Variants in RTN1 observed in about 807,000 individuals in gnomAD.
The protein encoded by RTN1 is reticulon 1, also known as reticulon-1.
A neutral mutation model predicts 65.5 loss-of-function variants in RTN1; 25 were observed. The observed-to-expected ratio is 0.38, with a 90% CI of 0.28 to 0.53. The LOEUF is 0.53. Among genes scored for constraint, RTN1 ranks in the 20% least tolerant of loss-of-function variants. The probability of loss-of-function intolerance (pLI) is 0.79; values close to 1 mark genes in which losing one functional copy is unlikely to be tolerated. For synonymous variants in RTN1, 471 were observed against 447.6 expected (o/e 1.05, Z -0.66); for missense variants, 983 against 1,025.4 (o/e 0.96, Z 0.57).
chr14:59,615,493 T>G (rs375339441), intron 3 of RTN1, among the ~76,000 whole-genome samples: 110 of 152,204 alleles, frequency 7.2e-4, no homozygotes, highest in African/African-American at 2.6e-3. Flanking sequence ...AAAATCATAC[T>G]GATGTGGGGC....
chr14:59,767,923 C>G lies in RTN1; in HGVS notation c.242-21442G>C, dbSNP rs1043819223. 2.0e-5 allele frequency among the ~76,000 whole-genome samples: 3 copies of G among 152,222 alleles called. 1 individual carries two copies. The South Asian group carries it at 6.2e-4, about 32-fold the overall frequency. On this transcript the variant is annotated intron_variant, in intron 1 of 8. Coordinates refer to ENST00000267484, the MANE Select transcript of RTN1 (RefSeq NM_021136.3). ...CCTTTATGTAAAAAGCTACATACAT[C>G]AGTTAACCAGCCAGTGACAATCGTA...
At chr14:59,616,975 T>C (rs901508803) in intron 3 of RTN1, among the ~76,000 whole-genome samples, 5 of 152,234 alleles carry the variant, frequency 3.3e-5, no homozygotes, top group Non-Finnish European at 4.4e-5. Context: ...GGAGCACATT[T>C]GTTCCTCTCT....
chr14:59,791,448 C>T (rs1594744815), intron 1 of RTN1, among the ~76,000 whole-genome samples: 1 of 152,266 alleles, frequency 6.6e-6, no homozygotes, highest in Middle Eastern at 3.4e-3. Context: ...CTGTGCTGCA[C>T]CTGGGTGCAC....
Position 59,603,120 on chromosome 14 carries a change from G to C in RTN1, c.2233C>G (p.Gln745Glu). 1.9e-6 allele frequency: 3 copies of C among 1,611,934 alleles called. No individual in the cohort carries two copies. Among genetic ancestry groups the C allele is most frequent in the Non-Finnish European group, 2.5e-6 (3 of 1,179,252 alleles). The change falls in exon 8 of 9, where the codon CAG becomes GAG. Residue 745 changes from glutamine (Q) to glutamate (E), a missense_variant. Physicochemically the swap from Gln to Glu is conservative, Grantham distance 29. Coordinates refer to ENST00000267484, the MANE Select transcript of RTN1 (RefSeq NM_021136.3). ...ACAAGTCCCAGATATTGGTCAATCT[G>C]TGCCTACATAAAGAAAAAAAAAATA... ...LPVVYVKHQA[Q>E]IDQYLGLVRT...
chr14:59,642,746 T>C (rs1440812353), intron 3 of RTN1, among the ~76,000 whole-genome samples: 3 of 152,252 alleles, frequency 2.0e-5, no homozygotes, highest in Non-Finnish European at 4.4e-5. Flanking sequence ...TATTTTGAAG[T>C]CTTTATCAGC....
At chr14:59,697,231 C>A (rs1884081537) in intron 3 of RTN1, among the ~76,000 whole-genome samples, 1 of 152,136 alleles carries the variant, frequency 6.6e-6, no homozygotes, top group Non-Finnish European at 1.5e-5. Flanking sequence ...TTCACTTCTC[C>A]CAGATAATTA....
At position 59,727,090 on chromosome 14, in the gene RTN1, G is replaced by A. The variant is rs1333554615; in HGVS notation, c.1594C>T (p.Pro532Ser). Residue 532 changes from proline (P) to serine (S), a missense_variant, in exon 3 of 9, where the codon CCT becomes TCT. Coordinates refer to ENST00000267484, the MANE Select transcript of RTN1 (RefSeq NM_021136.3). The surrounding 1 kb of genome is among the most constrained non-coding windows in gnomAD (Gnocchi z 4.2). The stretch of plus-strand genomic sequence containing the variant: ...TCTCCAGGGGGCAGCTCGGGGCCAG[G>A]CTGGGGCTCAGTTGAGGGGTAGTCG... ...FLDYPSTEPQ[P>S]GPELPPGDGA... The A allele has an allele frequency of 6.2e-7, 1 of 1,611,526 alleles. No individual in the cohort carries two copies. Among genetic ancestry groups the A allele is most frequent in the Non-Finnish European group, 8.5e-7 (1 of 1,178,846 alleles).
intron 2 of RTN1, among the ~76,000 whole-genome samples, chr14:59,731,480 T>C (rs1169338373): frequency 6.6e-6 from 1 of 152,148 alleles, no homozygotes; most frequent in Admixed American, 6.5e-5. Context: ...ATGAATTGTA[T>C]AGTATATGGA....
At chr14:59,654,308 G>A (rs1415457250) in intron 3 of RTN1, among the ~76,000 whole-genome samples, 2 of 151,798 alleles carry the variant, frequency 1.3e-5, no homozygotes, top group African/African-American at 4.8e-5. Flanking sequence ...CGTGCCTGTA[G>A]CCCCAGCTAC....
At chr14:59,607,055 A>G (rs1024004461) in intron 4 of RTN1, among the ~76,000 whole-genome samples, 2 of 152,238 alleles carry the variant, frequency 1.3e-5, no homozygotes, top group African/African-American at 4.8e-5. Flanking sequence ...GTTAATAGTA[A>G]ATACATATGA....
rs974263667 is a variant in RTN1, at chr14:59,715,463, G to A, written c.1765+11456C>T. Reference sequence around the variant, plus strand: ...GGCTTTAGAACTATAGCATGTCTTGGTGAAATATATAAAAACTTCTCCAAA... The same window carrying A: ...GGCTTTAGAACTATAGCATGTCTTGATGAAATATATAAAAACTTCTCCAAA... On this transcript the variant is annotated intron_variant, in intron 3 of 8. Transcript: ENST00000267484. 3.9e-5 allele frequency among the ~76,000 whole-genome samples: 6 copies of A among 152,146 alleles called. No individual in the cohort carries two copies. The East Asian group carries it at 1.2e-3, about 29-fold the overall frequency.
intron 3 of RTN1, among the ~76,000 whole-genome samples, chr14:59,690,217 C>A (rs886713732): frequency 3.9e-5 from 6 of 151,920 alleles, no homozygotes; most frequent in South Asian, 2.1e-4. Context: ...CTTCAAGAGA[C>A]CCATCTCACA....
At chr14:59,629,911 G>C (rs2140183836) in intron 3 of RTN1, among the ~76,000 whole-genome samples, 1 of 152,224 alleles carries the variant, frequency 6.6e-6, no homozygotes, top group Middle Eastern at 3.4e-3. Context: ...ATGTGGCTAC[G>C]CCATCATATT....
At chr14:59,812,398 GCACTGTACCTTGAA>G (rs1886745631) in intron 1 of RTN1, among the ~76,000 whole-genome samples, 1 of 152,060 alleles carries the variant, frequency 6.6e-6, no homozygotes, top group Non-Finnish European at 1.5e-5. Flanking sequence ...AATAAACTTG[GCACTGTACCTTGAA>G]AAAGGTCTGA....
chr14:59,629,297 T>A (rs1370069548), intron 3 of RTN1, among the ~76,000 whole-genome samples: 7 of 152,240 alleles, frequency 4.6e-5, no homozygotes, highest in Non-Finnish European at 8.8e-5. Flanking sequence ...GTAAGCAGGC[T>A]TTTAATTCTG....
At chr14:59,732,975 C>T (rs890095477) in intron 2 of RTN1, among the ~76,000 whole-genome samples, 2 of 152,058 alleles carry the variant, frequency 1.3e-5, no homozygotes, top group African/African-American at 4.8e-5. Context: ...TTGGTCAACT[C>T]AGCCACTCCA....
intron 1 of RTN1, among the ~76,000 whole-genome samples, chr14:59,789,320 T>C (rs1361221681): frequency 2.0e-5 from 3 of 152,126 alleles, no homozygotes; most frequent in African/African-American, 4.8e-5. Context: ...GAACATTTAA[T>C]GTTGTATGAT....
At chr14:59,669,107 A>T (rs902028378) in intron 3 of RTN1, among the ~76,000 whole-genome samples, 1 of 152,328 alleles carries the variant, frequency 6.6e-6, no homozygotes, top group South Asian at 2.1e-4. Context: ...ATTACTGGGT[A>T]TATACCCAAA....
chr14:59,837,833 A>G (rs1887239838), intron 1 of RTN1, among the ~76,000 whole-genome samples: 2 of 152,082 alleles, frequency 1.3e-5, no homozygotes, highest in Middle Eastern at 3.2e-3. Context: ...TTAATTAAAA[A>G]CACTTTATTG....
Sources: gnomAD v4.1 joint callset for allele counts (sites outside exome capture counted in the v4.1 genomes callset) on GRCh38, gnomAD v4.1.1 for gene constraint, Gnocchi (gnomAD v3.1) non-coding constraint, MANE v1.5 for transcripts, NCBI Gene and HGNC (gene_info 2026-07-23, HGNC 2026-07-21) for gene names.